Variants in NEB observed in about 807,000 individuals in gnomAD.
The protein encoded by NEB is nemaline myopathy type 2.
A neutral mutation model predicts 952.2 loss-of-function variants in NEB; 512 were observed. The ratio of observed to expected loss-of-function variants is 0.54; its 90% confidence interval spans 0.50 to 0.58. The LOEUF is 0.58. NEB is among the 20% of genes least tolerant of loss of function. The pLI, the probability that NEB is intolerant of heterozygous loss-of-function variation, is 0.00. For missense variants in NEB, 8,428 were observed against 9,231.1 expected (o/e 0.91, Z 3.56); for synonymous variants, 2,900 against 3,149.8 (o/e 0.92, Z 2.66).
At position 151,494,205 on chromosome 2, in the gene NEB, G is replaced by C; in HGVS notation, c.24535C>G (p.Pro8179Ala). Residue 8179 changes from proline to alanine, a missense_variant, in exon 174 of 182, where the codon CCT becomes GCT. Physicochemically the swap from Pro to Ala is conservative, Grantham distance 27. This residue lies in a region of NEB where 3,374 missense variants were observed against 3,651.5 expected (regional missense o/e 0.92). Coordinates refer to ENST00000397345, the MANE Select transcript of NEB (RefSeq NM_001164508.2). ...TTGCGTTTGACTCTCTGCATCTCAGGAGTGACAGGGGTTGCGGTGGCTTTC... is the reference window on the plus strand; with the variant it reads ...TTGCGTTTGACTCTCTGCATCTCAGCAGTGACAGGGGTTGCGGTGGCTTTC... ...VGKATATPVT[P>A]EMQRVKRNQE... is the part of the protein sequence containing the mutation. The C allele has an allele frequency of 6.2e-7, 1 of 1,608,378 alleles. No homozygotes were observed. Among genetic ancestry groups the C allele is most frequent in the Non-Finnish European group, 8.5e-7 (1 of 1,177,042 alleles).
At chr2:151,635,683 G>T (rs1194291777) in intron 64 of NEB, among the ~76,000 whole-genome samples, 1 of 136,884 alleles carries the variant, frequency 7.3e-6, no homozygotes, top group Admixed American at 8.3e-5. Flanking sequence ...TCCAGCCTGG[G>T]CAACAAGAGC....
In NEB at chr2:151,485,803, C is replaced by T. The variant is rs2152614968; in HGVS notation, c.25535G>A (p.Gly8512Asp). ...GTTGGCTGGGAGCATTCCGGTCCTG[C>T]CAGTCCTCTGCACAGTGCCATACAT... is the stretch of plus-strand genomic sequence containing the variant. ...GWMYGTVQRT[G>D]RTGMLPANYV... The change falls in exon 182 of 182, where the codon GGC becomes GAC. Residue 8512 changes from glycine (G) to aspartate (D), a missense_variant. By Grantham distance (94) the Gly-to-Asp change is moderately conservative (BLOSUM62 -1). Transcript: ENST00000397345. 6.2e-7 allele frequency: 1 copy of T among 1,613,500 alleles called. No homozygotes were observed. Among genetic ancestry groups the T allele is most frequent in the Non-Finnish European group, 8.5e-7 (1 of 1,179,540 alleles).
chr2:151,518,451 T>A, intron 155 of NEB, 29 bp from the exon 156 acceptor site: 3 of 1,351,524 alleles, frequency 2.2e-6, no homozygotes, highest in Non-Finnish European at 3.2e-6. Flanking sequence ...AAAAGGCACA[T>A]TGATGGAGAA....
rs368954128 is a variant in NEB, at chr2:151,616,135, T to C, written c.11182-26A>G. The stretch of plus-strand genomic sequence containing the variant: ...CTGTAGAAAAGAAAGTCATTACTCA[T>C]TTACTCCTTCCATAAAAAGTGAAGC... On this transcript the variant is annotated intron_variant, in intron 75 of 181. Transcript: ENST00000397345. 163 of 1,461,708 alleles carry C rather than the reference T, an allele frequency of 1.1e-4. No individual in the cohort carries two copies. The African/African-American group carries it at 2.1e-3, about 19-fold the overall frequency. 90.5% of individuals were successfully genotyped at this position (1,461,708 alleles called of 1,614,324 possible).
intron 121 of NEB, among the ~76,000 whole-genome samples, chr2:151,561,621 T>G (rs2096068645): frequency 6.6e-6 from 1 of 151,976 alleles, no homozygotes; most frequent in South Asian, 2.1e-4. Context: ...ATTATTATAC[T>G]TTAAGTTTTA....
In NEB at chr2:151,485,818, G is replaced by A; in HGVS notation, c.25520C>T (p.Thr8507Ile). 1.2e-6 allele frequency: 2 copies of A among 1,614,090 alleles called. No homozygotes were observed. The highest frequency in any genetic ancestry group is 1.7e-6 in the Non-Finnish European group (2 of 1,179,962). ...TCCGGTCCTGCCAGTCCTCTGCACAGTGCCATACATCCAGCCTTCATCAAT... is the reference window on the plus strand; with the variant it reads ...TCCGGTCCTGCCAGTCCTCTGCACAATGCCATACATCCAGCCTTCATCAAT... ...QAIDEGWMYG[T>I]VQRTGRTGML... Residue 8507 changes from threonine to isoleucine, a missense_variant, in exon 182 of 182, where the codon ACT (threonine) becomes ATT (isoleucine). Transcript: ENST00000397345.
chr2:151,695,589 T>C lies in NEB; in HGVS notation c.1663A>G (p.Asn555Asp). 6.2e-7 allele frequency: 1 copy of C among 1,613,182 alleles called. No homozygotes were observed. The highest frequency in any genetic ancestry group is 8.5e-7 in the Non-Finnish European group (1 of 1,179,232). Residue 555 changes from asparagine to aspartate, a missense_variant, in exon 18 of 182, where the codon AAC becomes GAC. Transcript: ENST00000397345. ...AFIQHKVNAY[N>D]LSDNLYKQDW... ...CATAAGGAACTTACATCACTCAAGT[T>C]ATAGGCATTGACTTTGTGCTGGATA... is the stretch of plus-strand genomic sequence containing the variant.
At chr2:151,553,594 C>T (rs761697158) in intron 126 of NEB, 92 bp from the exon 127 acceptor site, 32 of 996,364 alleles carry the variant, frequency 3.2e-5, no homozygotes, top group Non-Finnish European at 4.9e-5. Flanking sequence ...ACTCAGAAGG[C>T]TTTGTGGAAT....
chr2:151,503,340 T>C lies in NEB; in HGVS notation c.23835+9A>G, dbSNP rs1240470044. 2 of 1,579,412 alleles carry C rather than the reference T, an allele frequency of 1.3e-6. No homozygotes were observed. The highest frequency in any genetic ancestry group is 8.7e-7 in the Non-Finnish European group (1 of 1,151,220). The stretch of plus-strand genomic sequence containing the variant: ...GAAATAGTTTCTTATATGATATATT[T>C]GTAAATACCGAGCTAAAGTTCTCTT... On this transcript the variant is annotated intron_variant, in intron 166 of 181. Transcript: ENST00000397345.
intron 36 of NEB, among the ~76,000 whole-genome samples, 180 bp from the exon 37 acceptor site, chr2:151,672,860 T>C (rs2099317335): frequency 6.6e-6 from 1 of 152,210 alleles, no homozygotes; most frequent in Non-Finnish European, 1.5e-5. Context: ...CAAGTGAGTG[T>C]CACGATAAAT....
In NEB at chr2:151,643,969, C is replaced by T. The variant is rs772938264; in HGVS notation, c.7805G>A (p.Ser2602Asn). ...CACCACCCCCAGCATGTCCACTGGG[C>T]TGCTGAACTTGGTCTTCCACTTCTC... ...DFEKWKTKFS[S>N]PVDMLGVVLA... is the part of the protein sequence containing the mutation. The change falls in exon 57 of 182, where the codon AGC becomes AAC. Residue 2602 changes from serine to asparagine, a missense_variant. Coordinates refer to ENST00000397345, the MANE Select transcript of NEB (RefSeq NM_001164508.2). 1.2e-6 allele frequency: 2 copies of T among 1,613,950 alleles called. No homozygotes were observed. The highest frequency in any genetic ancestry group is 4.5e-5 in the East Asian group (2 of 44,870).
At position 151,518,382 on chromosome 2, in the gene NEB, T is replaced by C. The variant is rs2079474292; in HGVS notation, c.22736A>G (p.Tyr7579Cys). 2 of 1,612,282 alleles carry C rather than the reference T, an allele frequency of 1.2e-6. No homozygotes were observed. The highest frequency in any genetic ancestry group is 1.6e-4 in the Middle Eastern group (1 of 6,076). The change falls in exon 156 of 182, where the codon TAC becomes TGC. Residue 7579 changes from tyrosine to cysteine, a missense_variant. By Grantham distance (194) the Tyr-to-Cys change is radical. Transcript: ENST00000397345. ...KKKYEKSKGH[Y>C]HTIPDNLEQL... ...CTCCAGATTATCGGGTATGGTGTGG[T>C]AGTGGCCTTTACTCTTCTCATACTT...
At position 151,684,993 on chromosome 2, in the gene NEB, T is replaced by A; in HGVS notation, c.2638-18A>T. On this transcript the variant is annotated intron_variant, in intron 27 of 181. Coordinates refer to ENST00000397345, the MANE Select transcript of NEB (RefSeq NM_001164508.2). ...TATTCGCGCTGTGAATAGGAAATTA[T>A]CATTTATTATCACAAATCCTCGATG... 6.4e-7 allele frequency: 1 copy of A among 1,554,832 alleles called. No individual in the cohort carries two copies. The highest frequency in any genetic ancestry group is 8.8e-7 in the Non-Finnish European group (1 of 1,139,520).
At chr2:151,677,041 C>A (rs564572990) in intron 34 of NEB, among the ~76,000 whole-genome samples, 1 of 152,302 alleles carries the variant, frequency 6.6e-6, no homozygotes, top group South Asian at 2.1e-4. Flanking sequence ...GACAGGCAGG[C>A]AAACGATACA....
rs577856870 is a variant in NEB at position 151,644,563 on chromosome 2, T to C, written c.7549A>G (p.Met2517Val). The change falls in exon 56 of 182, where the codon ATG becomes GTG. Residue 2517 changes from methionine (M) to valine (V), a missense_variant. Physicochemically the swap from Met to Val is conservative, Grantham distance 21 (BLOSUM62 1). Coordinates refer to ENST00000397345, the MANE Select transcript of NEB (RefSeq NM_001164508.2). The stretch of plus-strand genomic sequence containing the variant: ...TTTCTCTTCAGCTCCTCATAACCCA[T>C]TCGGTAGAGTTTCTGTTAAGAAATG... Reference protein sequence around the residue: ...LINTSDKLYRMGYEELKRKGY... With the variant: ...LINTSDKLYRVGYEELKRKGY... The C allele has an allele frequency of 5.6e-6, 9 of 1,612,852 alleles. No homozygotes were observed. In the East Asian group the frequency reaches 1.8e-4, roughly 32 times the overall value.
At chr2:151,725,363 A>G in intron 6 of NEB, 90 bp downstream of exon 6, 1 of 1,010,904 alleles carries the variant, frequency 9.9e-7, no homozygotes, top group South Asian at 1.7e-5. Flanking sequence ...TCAACTGCTC[A>G]TTCTCACAGC....
At position 151,560,691 on chromosome 2, in the gene NEB, G is replaced by A. The variant is rs767017098; in HGVS notation, c.19215C>T (p.Tyr6405=). The A allele has an allele frequency of 1.2e-6, 2 of 1,609,720 alleles. No homozygotes were observed. The highest frequency in any genetic ancestry group is 1.7e-6 in the Non-Finnish European group (2 of 1,177,890). Residue 6405 remains tyrosine (Y), a synonymous_variant, in exon 124 of 182, where the codon TAC becomes TAT. Coordinates refer to ENST00000397345, the MANE Select transcript of NEB (RefSeq NM_001164508.2). ...NLKNLYSSNL[Y]KEAWDRVKAT... ...CTTTCACTCTATCCCAGGCCTCCTT[G>A]TACAGGTTCTGCAGGAATTAAAGAC...
At chr2:151,650,090 G>T in intron 54 of NEB, 86 bp downstream of exon 54, 1 of 1,259,298 alleles carries the variant, frequency 7.9e-7, no homozygotes, top group Non-Finnish European at 1.1e-6. Flanking sequence ...ATGCTTTGTG[G>T]TTCTACTCAT....
Position 151,694,626 on chromosome 2 carries a change from G to C in NEB, c.1678C>G (p.Leu560Val). 1.3e-6 allele frequency: 2 copies of C among 1,576,584 alleles called. No individual in the cohort carries two copies. The highest frequency in any genetic ancestry group is 1.7e-6 in the Non-Finnish European group (2 of 1,159,832). The change falls in exon 19 of 182, where the codon CTT (leucine) becomes GTT (valine). Residue 560 changes from leucine to valine, a missense_variant. Leu to Val is a conservative substitution (Grantham distance 32). Transcript: ENST00000397345. ...KVNAYNLSDN[L>V]YKQDWEKSKA... ...CTCTTCTCCCAGTCTTGCTTATAAA[G>C]ATTCTGGACAAAAAAATTCAGCAAA...
Sources: gnomAD v4.1 joint callset for allele counts (sites outside exome capture counted in the v4.1 genomes callset) on GRCh38, gnomAD v4.1.1 for gene constraint, gnomAD v4.1.1 regional missense constraint, MANE v1.5 for transcripts, NCBI Gene and HGNC (gene_info 2026-07-23, HGNC 2026-07-21) for gene names.